Variants in LMLN observed in about 807,000 individuals in gnomAD.
LMLN encodes leishmanolysin like peptidase.
LMLN carries 70 observed loss-of-function variants against 92.3 expected under a neutral mutation model. The observed-to-expected ratio is 0.76, with a 90% CI of 0.63 to 0.92. The LOEUF (loss-of-function observed/expected upper bound fraction) is 0.92, where lower values mean the gene tolerates loss of function less well. LMLN is among the 40% of genes least tolerant of loss of function. LMLN has a pLI of 0.00. For missense variants in LMLN, 691 were observed against 814.6 expected (o/e 0.85, Z 1.85); for synonymous variants, 308 against 296.2 (o/e 1.04, Z -0.41).
At chr3:198,008,234 G>T (rs768676040) in intron 11 of LMLN, among the ~76,000 whole-genome samples, 1 of 151,810 alleles carries the variant, frequency 6.6e-6, no homozygotes, top group African/African-American at 2.4e-5. Flanking sequence ...AATCAGTATG[G>T]CTCTCAGAAC....
At chr3:198,003,607 A>G (rs1014111278) in intron 11 of LMLN, among the ~76,000 whole-genome samples, 3 of 136,286 alleles carry the variant, frequency 2.2e-5, no homozygotes, top group Non-Finnish European at 4.5e-5. Flanking sequence ...ACAGATACAT[A>G]TCATACATAG....
intron 8 of LMLN, among the ~76,000 whole-genome samples, chr3:197,989,167 C>T (rs181069746): frequency 6.6e-6 from 1 of 152,282 alleles, no homozygotes; most frequent in Non-Finnish European, 1.5e-5. Context: ...TGTCGGTTTT[C>T]AAGGCTGCCC....
At chr3:198,002,066 T>G (rs934052439) in intron 11 of LMLN, among the ~76,000 whole-genome samples, 4 of 152,340 alleles carry the variant, frequency 2.6e-5, no homozygotes, top group Middle Eastern at 3.4e-3. Flanking sequence ...AAATCTTGTC[T>G]CTAAAAATAA....
At chr3:197,986,846 T>C (rs1209928921) in intron 8 of LMLN, among the ~76,000 whole-genome samples, 2 of 105,842 alleles carry the variant, frequency 1.9e-5, no homozygotes, top group African/African-American at 1.3e-4. Flanking sequence ...TTTTTTTTCT[T>C]TTTTTTTTTT....
At chr3:198,018,321 A>C (rs1341742461) in intron 11 of LMLN, among the ~76,000 whole-genome samples, 1 of 152,226 alleles carries the variant, frequency 6.6e-6, no homozygotes, top group Non-Finnish European at 1.5e-5. Context: ...GATTTTACGA[A>C]AATGGTATAA....
At chr3:197,980,898 G>A (rs938286712) in intron 6 of LMLN, among the ~76,000 whole-genome samples, 1 of 151,522 alleles carries the variant, frequency 6.6e-6, no homozygotes, top group African/African-American at 2.4e-5. Flanking sequence ...GTCAGCCCAG[G>A]AGCTCGAGAC....
At chr3:197,996,153 T>C (rs1321652454) in intron 9 of LMLN, 22 bp from the exon 10 acceptor site, 3 of 1,424,460 alleles carry the variant, frequency 2.1e-6, no homozygotes, top group Admixed American at 4.5e-5. Flanking sequence ...TATTTGTTTC[T>C]GATTTTTTTT....
intron 7 of LMLN, 142 bp downstream of exon 7, chr3:197,984,190 A>G (rs1472258447): frequency 4.7e-6 from 2 of 426,988 alleles, no homozygotes; most frequent in African/African-American, 2.1e-5. Flanking sequence ...AACTTAAAGT[A>G]TAATAATAAT....
At chr3:198,001,462 G>T (rs1258883942) in intron 11 of LMLN, among the ~76,000 whole-genome samples, 2 of 152,196 alleles carry the variant, frequency 1.3e-5, no homozygotes, top group Non-Finnish European at 2.9e-5. Flanking sequence ...TCACAAAGGA[G>T]TCTACTTACT....
chr3:198,039,592 C>T (rs1260470466), exon 16 of LMLN: 3 of 150,976 alleles, frequency 2.0e-5, no homozygotes, highest in Admixed American at 6.6e-5. Flanking sequence ...GAGTTAGACC[C>T]TGTATCTTAA....
chr3:198,025,056 A>G lies in LMLN; in HGVS notation c.1656+268A>G, dbSNP rs1182434501. Among the ~76,000 whole-genome samples, 5 of 152,204 alleles carry G rather than the reference A, an allele frequency of 3.3e-5. No homozygotes were observed. Among genetic ancestry groups the G allele is most frequent in the Admixed American group, 2.6e-4 (4 of 15,270 alleles). On this transcript the variant is annotated intron_variant, in intron 14 of 15. Coordinates refer to ENST00000330198, the Ensembl canonical transcript of LMLN. This position sits in a 1 kb window ranked among gnomAD's most constrained non-coding sequence, Gnocchi z 4.3. ...CTGAGGAAGTAATGGTAAATAGGTA[A>G]TTTTGTTCTTGAGCAAATATTACTT... is the stretch of plus-strand genomic sequence containing the variant.
chr3:197,999,508 T>G (rs1722114366), intron 11 of LMLN, 166 bp downstream of exon 11: 1 of 597,468 alleles, frequency 1.7e-6, no homozygotes, highest in Non-Finnish European at 3.0e-6. Context: ...ACTCCATTCA[T>G]TCATTCGTTC....
chr3:198,012,881 GT>G (rs1255922728), intron 11 of LMLN, among the ~76,000 whole-genome samples: 1 of 132,392 alleles, frequency 7.6e-6, no homozygotes, highest in East Asian at 2.1e-4. Flanking sequence ...ACCCTTCAGA[GT>G]CCCCTAACTA....
chr3:197,962,330 G>A (rs1369704801), intron 1 of LMLN, among the ~76,000 whole-genome samples: 1 of 152,154 alleles, frequency 6.6e-6, no homozygotes, highest in Non-Finnish European at 1.5e-5. Flanking sequence ...GAATTGCTGA[G>A]TATTCCATTG....
rs1327826077 is a variant in LMLN at position 197,988,483 on chromosome 3, T to C, written c.930-2076T>C. Among the ~76,000 whole-genome samples, 4 of 4,800 alleles carry C rather than the reference T, an allele frequency of 8.3e-4. No homozygotes were observed. In the Admixed American group the frequency reaches 8.8e-3, roughly 11 times the overall value. 3.1% of individuals were successfully genotyped at this position (4,800 alleles called of 152,430 possible). On this transcript the variant is annotated intron_variant, in intron 8 of 15. Transcript: ENST00000330198. Reference sequence around the variant, plus strand: ...ATATCTTTATGCTGGATTTACCCCTTTTTTTTTTTTTTTTTTTTTTTTGAG... The same window carrying C: ...ATATCTTTATGCTGGATTTACCCCTCTTTTTTTTTTTTTTTTTTTTTTGAG...
Position 198,035,916 on chromosome 3 carries a change from C to T in LMLN, c.1740C>T (p.Val580=), listed in dbSNP as rs141524557. 9 of 1,613,906 alleles carry T rather than the reference C, an allele frequency of 5.6e-6. No homozygotes were observed. The African/African-American group carries it at 1.2e-4, about 22-fold the overall frequency. Residue 580 remains valine, a synonymous_variant, in exon 15 of 16, where the codon GTC becomes GTT. Transcript: ENST00000330198. ...GTCGGGCTGGGCAGGTCCTCCCTGT[C>T]AGTATCCAGATGAATGGCTGGATTC... is the stretch of plus-strand genomic sequence containing the variant.
intron 1 of LMLN, among the ~76,000 whole-genome samples, chr3:197,963,524 A>G (rs75689071): frequency 0.069 from 10,547 of 152,078 alleles, 446 homozygotes; most frequent in African/African-American, 0.11. Context: ...ATGTTTTCCT[A>G]AGTCTTTTAT....
rs906772360 is a variant in LMLN, at chr3:197,996,516, G to T, written c.1155+234G>T. 9 of 286,188 alleles carry T rather than the reference G, an allele frequency of 3.1e-5. No homozygotes were observed. In the East Asian group the frequency reaches 5.3e-4, roughly 17 times the overall value. 17.7% of individuals were successfully genotyped at this position (286,188 alleles called of 1,614,324 possible). On this transcript the variant is annotated intron_variant, in intron 10 of 15. Transcript: ENST00000330198. ...ACGCTGAATTGTCTATTTTTTCATGGGTTCACATATTTATGCAACTTTTTT... is the reference window on the plus strand; with the variant it reads ...ACGCTGAATTGTCTATTTTTTCATGTGTTCACATATTTATGCAACTTTTTT...
intron 14 of LMLN, among the ~76,000 whole-genome samples, chr3:198,029,311 T>C (rs1723016074): frequency 6.6e-6 from 1 of 152,228 alleles, no homozygotes; most frequent in African/African-American, 2.4e-5. Flanking sequence ...GTTGATCCTT[T>C]TAAAATTTTA....
Sources: allele counts gnomAD v4.1 joint callset (sites outside exome capture counted in the v4.1 genomes callset), GRCh38; gene constraint gnomAD v4.1.1; non-coding constraint Gnocchi (gnomAD v3.1); transcripts MANE v1.5; gene names NCBI Gene and HGNC (gene_info 2026-07-23, HGNC 2026-07-21).